The following EIF4ENIF1 variants were observed in gnomAD, a reference collection of about 807,000 sequenced individuals.
EIF4ENIF1 encodes eukaryotic translation initiation factor 4E nuclear import factor 1.
Under a neutral mutation model 110.5 loss-of-function variants are expected in EIF4ENIF1, and 23 were observed. That is an observed-to-expected ratio of 0.21 (90% CI 0.15 to 0.29). The LOEUF is 0.29. EIF4ENIF1 is among the 10% of genes least tolerant of loss of function. The pLI is 1.00. For missense variants in EIF4ENIF1, 1,031 were observed against 1,221.1 expected (o/e 0.84, Z 2.32); for synonymous variants, 440 against 437.0 (o/e 1.01, Z -0.09).
At chr22:31,478,157 G>C (rs1228755623) in intron 2 of EIF4ENIF1, among the ~76,000 whole-genome samples, 1 of 152,174 alleles carries the variant, frequency 6.6e-6, no homozygotes, top group Non-Finnish European at 1.5e-5. Context: ...AGATGCTTAA[G>C]GTGGTATCCC....
chr22:31,455,091 C>A, intron 9 of EIF4ENIF1, 45 bp downstream of exon 9: 1 of 1,531,270 alleles, frequency 6.5e-7, no homozygotes, highest in Non-Finnish European at 8.8e-7. Context: ...GACTGAACAT[C>A]TAGACCTTTT....
In EIF4ENIF1 at chr22:31,489,808, C is replaced by G. The variant is rs1484443771; in HGVS notation, c.-142G>C. On this transcript the variant is annotated 5_prime_UTR_variant, in exon 1 of 19. Transcript: ENST00000330125. ...CTTCGCTCTCGCGCCCCCACCCCGA[C>G]CGGCTTGGGCTGTCTCTCTTCAGCC... is the stretch of plus-strand genomic sequence containing the variant. 6.6e-6 allele frequency: 1 copy of G among 151,722 alleles called. No individual in the cohort carries two copies. The highest frequency in any genetic ancestry group is 6.6e-5 in the Admixed American group (1 of 15,236). 9.4% of individuals were successfully genotyped at this position (151,722 alleles called of 1,614,324 possible). A position where few individuals can be genotyped will look rare whatever the true frequency, so the allele number is the denominator to read the frequency against.
At position 31,439,596 on chromosome 22, in the gene EIF4ENIF1, C is replaced by A; in HGVS notation, c.*284G>T. On this transcript the variant is annotated 3_prime_UTR_variant, in exon 19 of 19. Coordinates refer to ENST00000330125, the MANE Select transcript of EIF4ENIF1 (RefSeq NM_019843.4). ...TTTCCTCAGAACCCTTAGGTGCCAC[C>A]TCTTGGTGAGGACACCAACACTTCA... The A allele has an allele frequency of 2.3e-6, 1 of 435,602 alleles. No homozygotes were observed. The allele number at this position is 435,602 out of a possible 1,614,324, so 27.0% of individuals were successfully genotyped here. A position where few individuals can be genotyped will look rare whatever the true frequency, so the allele number is the denominator to read the frequency against.
intron 11 of EIF4ENIF1, 140 bp downstream of exon 11, chr22:31,450,149 T>C (rs926339098): frequency 2.9e-6 from 2 of 693,016 alleles, no homozygotes; most frequent in African/African-American, 3.6e-5. Flanking sequence ...CACCAAACTA[T>C]GTCAGGCAAC....
chr22:31,458,721 A>G, intron 6 of EIF4ENIF1, 71 bp from the exon 7 acceptor site: 3 of 1,400,716 alleles, frequency 2.1e-6, no homozygotes, highest in South Asian at 3.0e-5. Flanking sequence ...GGCTTCAGCC[A>G]TCAGTATACA....
intron 15 of EIF4ENIF1, chr22:31,444,369 G>A: frequency 2.2e-6 from 1 of 449,198 alleles, no homozygotes; most frequent in South Asian, 2.2e-5. Context: ...GTGTGCCCTG[G>A]CCCATGATCA....
intron 3 of EIF4ENIF1, among the ~76,000 whole-genome samples, chr22:31,470,181 A>AAAAG (rs2051323892): frequency 8.4e-6 from 1 of 118,366 alleles, no homozygotes. Flanking sequence ...AAAAAAAAAA[A>AAAAG]AAAGAAAAAT....
At chr22:31,477,807 G>A (rs149578495) in intron 2 of EIF4ENIF1, among the ~76,000 whole-genome samples, 2 of 152,140 alleles carry the variant, frequency 1.3e-5, no homozygotes. Flanking sequence ...ACAACTCTTG[G>A]GTTGTAAAAG....
rs2052138618 is a variant in EIF4ENIF1, at chr22:31,488,703, T to C, written c.16A>G (p.Met6Val). 6.2e-7 allele frequency: 1 copy of C among 1,614,050 alleles called. No homozygotes were observed. The highest frequency in any genetic ancestry group is 1.7e-5 in the Admixed American group (1 of 59,990). Residue 6 changes from methionine to valine, a missense_variant, in exon 2 of 19, where the codon ATG (methionine) becomes GTG (valine). Physicochemically the swap from Met to Val is conservative, Grantham distance 21. Transcript: ENST00000330125. MDRRSMGETESGDAFL... is the reference protein window; with the variant it reads MDRRSVGETESGDAFL... Reference sequence around the variant, plus strand: ...GCATCTCCACTTTCTGTTTCACCCATACTTCTCCTATCCATGGCTCCTTGG... The same window carrying C: ...GCATCTCCACTTTCTGTTTCACCCACACTTCTCCTATCCATGGCTCCTTGG...
chr22:31,464,296 T>G (rs1358543305), intron 4 of EIF4ENIF1: 1 of 242,052 alleles, frequency 4.1e-6, no homozygotes. Context: ...GCAGGCGTAT[T>G]TGAAAAAATA....
chr22:31,463,641 C>T lies in EIF4ENIF1; in HGVS notation c.585+40G>A, dbSNP rs556370298. ...AGCCTGGGCAACAAGAGCGAAACTC[C>T]GTCTCAATTTAAAAAAAAAAAAAAA... On this transcript the variant is annotated intron_variant, in intron 5 of 18. Coordinates refer to ENST00000330125, the MANE Select transcript of EIF4ENIF1 (RefSeq NM_019843.4). The T allele has an allele frequency of 6.7e-6, 10 of 1,486,252 alleles. No homozygotes were observed. In the African/African-American group the frequency reaches 7.5e-5, roughly 11 times the overall value. 92.1% of individuals were successfully genotyped at this position (1,486,252 alleles called of 1,614,324 possible).
chr22:31,456,527 A>AT (rs1167271481), intron 7 of EIF4ENIF1, among the ~76,000 whole-genome samples: 1 of 147,406 alleles, frequency 6.8e-6, no homozygotes, highest in Non-Finnish European at 1.5e-5. Flanking sequence ...CCGGTCTACT[A>AT]TTTTTTTAAG....
chr22:31,460,819 G>A (rs979093827), intron 6 of EIF4ENIF1, among the ~76,000 whole-genome samples: 21 of 151,994 alleles, frequency 1.4e-4, no homozygotes, highest in East Asian at 1.4e-3. Context: ...GGTGGTGGGC[G>A]CCTGTAGTCC....
intron 3 of EIF4ENIF1, 113 bp from the exon 4 acceptor site, chr22:31,468,415 G>T (rs35208364): frequency 0.01 from 15,329 of 1,471,482 alleles, 544 homozygotes; most frequent in Admixed American, 0.098. Flanking sequence ...CCTTTTTTGA[G>T]ACAGGGTCTC....
chr22:31,448,018 G>C, intron 13 of EIF4ENIF1, 135 bp downstream of exon 13: 1 of 952,238 alleles, frequency 1.1e-6, no homozygotes, highest in Non-Finnish European at 1.6e-6. Flanking sequence ...CAAAGTGCTG[G>C]GATTACGGGC....
chr22:31,486,600 A>G (rs2052038946), intron 2 of EIF4ENIF1, among the ~76,000 whole-genome samples: 1 of 151,264 alleles, frequency 6.6e-6, no homozygotes, highest in Non-Finnish European at 1.5e-5. Context: ...CCAACATGGC[A>G]AGATCCCGTC....
chr22:31,451,256 T>C (rs1206611769), intron 10 of EIF4ENIF1: 1 of 152,164 alleles, frequency 6.6e-6, no homozygotes, highest in African/African-American at 2.4e-5. Flanking sequence ...CAGAGTTTCA[T>C]ATTTCAGGAA....
chr22:31,479,370 GTCTT>G (rs1793874781), intron 2 of EIF4ENIF1: 1 of 151,646 alleles, frequency 6.6e-6, no homozygotes, highest in African/African-American at 2.4e-5. Flanking sequence ...CAAGAGAAGA[GTCTT>G]TTTTTTTTTT....
upstream of EIF4ENIF1, among the ~76,000 whole-genome samples, chr22:31,490,820 A>T (rs1251517791): frequency 6.6e-6 from 1 of 152,190 alleles, no homozygotes; most frequent in Non-Finnish European, 1.5e-5. Flanking sequence ...CATAGGCGTG[A>T]AGTCCCGAGA....
Sources: allele counts gnomAD v4.1 joint callset (sites outside exome capture counted in the v4.1 genomes callset), GRCh38; gene constraint gnomAD v4.1.1; transcripts MANE v1.5; gene names NCBI Gene and HGNC (gene_info 2026-07-23, HGNC 2026-07-21).